Variants in FAM53B observed in about 807,000 individuals in gnomAD.
FAM53B encodes protein FAM53B.
In FAM53B, 12 loss-of-function variants were observed where a neutral mutation model predicts 32.7. The ratio of observed to expected loss-of-function variants is 0.37; its 90% CI spans 0.24 to 0.59. The LOEUF (loss-of-function observed/expected upper bound fraction) is 0.59, where lower values mean the gene tolerates loss of function less well. Ranked by LOEUF, FAM53B falls within the 20% of genes least tolerant of loss-of-function variation. The probability of loss-of-function intolerance (pLI) is 0.72; values close to 1 mark genes in which losing one functional copy is unlikely to be tolerated. For synonymous variants in FAM53B, 234 were observed against 228.7 expected (o/e 1.02, Z -0.21); for missense variants, 477 against 577.7 (o/e 0.83, Z 1.79).
intron 2 of FAM53B, among the ~76,000 whole-genome samples, chr10:124,705,263 G>A (rs1170579543): frequency 2.0e-5 from 3 of 152,188 alleles, no homozygotes; most frequent in Non-Finnish European, 4.4e-5. Context: ...AACAGGCAGA[G>A]GCCTGAATGC....
intron 3 of FAM53B, among the ~76,000 whole-genome samples, chr10:124,688,809 C>A (rs1393765450): frequency 6.6e-6 from 1 of 152,190 alleles, no homozygotes; most frequent in Non-Finnish European, 1.5e-5. Context: ...TATTTCCATT[C>A]CTACCCTTAA....
At position 124,623,366 on chromosome 10, in the gene FAM53B, G is replaced by C; in HGVS notation, c.1145C>G (p.Ala382Gly). 1 of 1,612,632 alleles carries C rather than the reference G, an allele frequency of 6.2e-7. No homozygotes were observed. Among genetic ancestry groups the C allele is most frequent in the Non-Finnish European group, 8.5e-7 (1 of 1,179,822 alleles). The change falls in exon 5 of 5, where the codon GCC (alanine) becomes GGC (glycine). Residue 382 changes from alanine (A) to glycine (G), a missense_variant. Around this residue, in one of 2 missense-constraint regions of FAM53B, gnomAD observed 165 missense variants for 157.5 expected, o/e 1.05. Coordinates refer to ENST00000337318, the MANE Select transcript of FAM53B (RefSeq NM_014661.4). Reference protein sequence around the residue: ...DLSCEESDSCALDEDCGRRAE... With the variant: ...DLSCEESDSCGLDEDCGRRAE... ...TCTCCTGCCACAATCCTCGTCCAGG[G>C]CGCAGCTGTCTGACTCCTCACAGGA...
intron 4 of FAM53B, among the ~76,000 whole-genome samples, chr10:124,649,590 G>A (rs1949543018): frequency 1.3e-5 from 2 of 152,184 alleles, no homozygotes; most frequent in Non-Finnish European, 2.9e-5. Context: ...TGTTCTAAAC[G>A]AGCTTCCAGA....
At chr10:124,713,838 A>G (rs753655334) in intron 1 of FAM53B, 4 of 152,162 alleles carry the variant, frequency 2.6e-5, no homozygotes, top group Non-Finnish European at 5.9e-5. Flanking sequence ...ACTGACAGTG[A>G]TTTTCCTGGT....
intron 3 of FAM53B, among the ~76,000 whole-genome samples, chr10:124,694,356 C>T (rs1949854500): frequency 6.6e-6 from 1 of 152,240 alleles, no homozygotes; most frequent in African/African-American, 2.4e-5. Context: ...GATAGACTCT[C>T]CTGGGCCATC....
intron 4 of FAM53B, among the ~76,000 whole-genome samples, chr10:124,637,919 G>T (rs1043971683): frequency 2.0e-5 from 3 of 152,124 alleles, no homozygotes; most frequent in African/African-American, 7.2e-5. Flanking sequence ...AGGGAATTTC[G>T]CTCTCCATTC....
intron 3 of FAM53B, among the ~76,000 whole-genome samples, chr10:124,690,083 G>A (rs934818316): frequency 6.6e-6 from 1 of 152,256 alleles, no homozygotes; most frequent in Non-Finnish European, 1.5e-5. Flanking sequence ...AGCTGCTGGT[G>A]ATGCATCTCT....
At chr10:124,680,441 G>A (rs530434183) in intron 4 of FAM53B, among the ~76,000 whole-genome samples, 2 of 152,300 alleles carry the variant, frequency 1.3e-5, no homozygotes, top group South Asian at 2.1e-4. Context: ...CCTCTATGTT[G>A]GGAGTAGGAA....
At chr10:124,655,246 C>T (rs979082460) in intron 4 of FAM53B, among the ~76,000 whole-genome samples, 1 of 152,164 alleles carries the variant, frequency 6.6e-6, no homozygotes, top group African/African-American at 2.4e-5. Flanking sequence ...ATCTCCCCAC[C>T]CACACCCTGG....
At chr10:124,715,207 A>G (rs1231268888) in intron 1 of FAM53B, among the ~76,000 whole-genome samples, 1 of 152,202 alleles carries the variant, frequency 6.6e-6, no homozygotes. Context: ...CCAAACATCA[A>G]CCTTCTGGAA....
intron 4 of FAM53B, among the ~76,000 whole-genome samples, chr10:124,654,221 C>T (rs1320205678): frequency 6.6e-6 from 1 of 152,238 alleles, no homozygotes; most frequent in Admixed American, 6.5e-5. Flanking sequence ...CCCAGCCATG[C>T]GAAGTGCGAT....
intron 4 of FAM53B, among the ~76,000 whole-genome samples, chr10:124,628,382 C>T (rs3781472): frequency 0.32 from 48,168 of 152,070 alleles, 8,479 homozygotes; most frequent in Non-Finnish European, 0.4. Context: ...TTGCCTCCTC[C>T]GAAGGAGGCT....
chr10:124,732,222 G>T (rs1226718593), intron 1 of FAM53B, among the ~76,000 whole-genome samples: 1 of 152,210 alleles, frequency 6.6e-6, no homozygotes, highest in Non-Finnish European at 1.5e-5. Context: ...TACACTCAGG[G>T]CTAAAAATTC....
intron 1 of FAM53B, among the ~76,000 whole-genome samples, chr10:124,735,626 C>T: frequency 6.6e-6 from 1 of 152,270 alleles, no homozygotes; most frequent in South Asian, 2.1e-4. Context: ...CTGACCTCCT[C>T]AGGGCAACCT....
At chr10:124,709,505 T>TG (rs1411632667) in intron 1 of FAM53B, among the ~76,000 whole-genome samples, 2 of 152,116 alleles carry the variant, frequency 1.3e-5, no homozygotes, top group East Asian at 1.9e-4. Flanking sequence ...ATCCCTGCCC[T>TG]GGGGGGTCTC....
At chr10:124,647,066 G>C (rs941792835) in intron 4 of FAM53B, among the ~76,000 whole-genome samples, 1 of 152,212 alleles carries the variant, frequency 6.6e-6, no homozygotes, top group Non-Finnish European at 1.5e-5. Context: ...CAAACTCAAT[G>C]AAGAGGCAGG....
Position 124,711,673 on chromosome 10 carries a change from C to G in FAM53B, c.-174-4786G>C, listed in dbSNP as rs756086858. 1.5e-3 allele frequency among the ~76,000 whole-genome samples: 222 copies of G among 152,178 alleles called. 1 individual carries two copies. The highest frequency in any genetic ancestry group is 9.2e-4 in the Admixed American group (14 of 15,282). On this transcript the variant is annotated intron_variant, in intron 1 of 4. Coordinates refer to ENST00000337318, the MANE Select transcript of FAM53B (RefSeq NM_014661.4). ...CTGATTATACCAGGGAGACCGTGTG[C>G]GCGGGAAGGGGAGGAACGTGTGTGT...
chr10:124,682,583 T>C lies in FAM53B; in HGVS notation c.134-204A>G, dbSNP rs147936564. The stretch of plus-strand genomic sequence containing the variant: ...GAATCCCAAGGCTTTGAGTTGGAAG[T>C]TGGAAGCAGAGCAGGGCCTAGAATC... On this transcript the variant is annotated intron_variant, in intron 3 of 4. Transcript: ENST00000337318. The surrounding 1 kb of genome is among the most constrained non-coding windows in gnomAD (Gnocchi z 5.2). Among the ~76,000 whole-genome samples the C allele has an allele frequency of 1.9e-4, 29 of 152,278 alleles. No individual in the cohort carries two copies. In the East Asian group the frequency reaches 5.0e-3, roughly 26 times the overall value.
At chr10:124,667,414 G>C (rs1949679383) in intron 4 of FAM53B, 3 of 769,472 alleles carry the variant, frequency 3.9e-6, no homozygotes, top group East Asian at 2.4e-5. Flanking sequence ...CTTCCTCATG[G>C]GGCTATCTGG....
Sources: gnomAD v4.1 joint callset for allele counts (sites outside exome capture counted in the v4.1 genomes callset) on GRCh38, gnomAD v4.1.1 for gene constraint, gnomAD v4.1.1 regional missense constraint, Gnocchi (gnomAD v3.1) non-coding constraint, MANE v1.5 for transcripts, NCBI Gene and HGNC (gene_info 2026-07-23, HGNC 2026-07-21) for gene names.